The following HSP90AA1 variants were observed in gnomAD, a reference collection of about 807,000 sequenced individuals.
HSP90AA1 encodes the protein heat shock protein 90 alpha family class A member 1.
A neutral mutation model predicts 73.3 loss-of-function variants in HSP90AA1; 18 were observed. That is an observed-to-expected ratio of 0.25 (90% CI 0.17 to 0.36). The LOEUF (loss-of-function observed/expected upper bound fraction) is 0.36, where lower values mean the gene tolerates loss of function less well. Among genes scored for constraint, HSP90AA1 ranks in the 10% least tolerant of loss-of-function variants. The pLI is 1.00. For missense variants in HSP90AA1, 704 were observed against 874.2 expected (o/e 0.81, Z 2.45); for synonymous variants, 477 against 296.9 (o/e 1.61, Z -6.24).
chr14:102,097,103 C>T (rs1595666750), intron 2 of HSP90AA1, among the ~76,000 whole-genome samples: 1 of 152,154 alleles, frequency 6.6e-6, no homozygotes, highest in East Asian at 1.9e-4. Context: ...TTCTCTGCCT[C>T]AGCCTCCCGA....
intron 1 of HSP90AA1, among the ~76,000 whole-genome samples, chr14:102,115,529 A>T (rs961471725): frequency 6.6e-6 from 1 of 152,194 alleles, no homozygotes; most frequent in Non-Finnish European, 1.5e-5. Flanking sequence ...TTACACCAAC[A>T]GCAATAATAT....
intron 1 of HSP90AA1, among the ~76,000 whole-genome samples, chr14:102,133,254 T>C (rs956309465): frequency 2.6e-5 from 4 of 152,056 alleles, no homozygotes; most frequent in African/African-American, 9.7e-5. Context: ...CACTCCAGCC[T>C]GGGCAACAAG....
At chr14:102,134,581 G>C (rs758394720) in intron 1 of HSP90AA1, among the ~76,000 whole-genome samples, 6 of 151,932 alleles carry the variant, frequency 3.9e-5, no homozygotes, top group Non-Finnish European at 8.8e-5. Flanking sequence ...TGGGTTCGTG[G>C]TCTCACTGGC....
At position 102,102,060 on chromosome 14, in the gene HSP90AA1, C is replaced by A; in HGVS notation, c.181G>T (p.Glu61Ter). 6.2e-7 allele frequency: 1 copy of A among 1,614,052 alleles called. No homozygotes were observed. The highest frequency in any genetic ancestry group is 8.5e-7 in the Non-Finnish European group (1 of 1,179,936). ...TGCCAGAGAAACACTTGGGCCTTTT[C>A]TTGGTACCAGTTAACAGGTGCCCTG... The change falls in exon 2 of 12, where the codon GAA becomes TAA. Residue 61 changes from glutamate to a stop codon, truncating the protein, a stop_gained. Transcript: ENST00000334701. LOFTEE classifies it high-confidence loss of function.
At chr14:102,111,879 A>C (rs1358892189) in intron 1 of HSP90AA1, among the ~76,000 whole-genome samples, 2 of 152,176 alleles carry the variant, frequency 1.3e-5, no homozygotes, top group Middle Eastern at 3.2e-3. Flanking sequence ...TATGGTTTTC[A>C]GTGGTGGTGT....
In HSP90AA1 at chr14:102,083,677, T is replaced by A. The variant is rs2152610702; in HGVS notation, c.1355A>T (p.Asp452Val). Reference protein sequence around the residue: ...SKNIKLGIHEDSQNRKKLSEL... With the variant: ...SKNIKLGIHEVSQNRKKLSEL... ...TGAAAGCTTCTTCCGATTTTGAGAG[T>A]CTTCGTGTATTCCAAGCTGAAACAA... Residue 452 changes from aspartate (D) to valine (V), a missense_variant, in exon 8 of 11, where the codon GAC (aspartate) becomes GTC (valine). Asp to Val is a radical substitution (Grantham distance 152). Coordinates refer to ENST00000216281, the MANE Select transcript of HSP90AA1 (RefSeq NM_005348.4). 1 of 1,612,794 alleles carries A rather than the reference T, an allele frequency of 6.2e-7. No individual in the cohort carries two copies. The highest frequency in any genetic ancestry group is 2.2e-5 in the East Asian group (1 of 44,830).
At chr14:102,088,087 A>G (rs1159503221), upstream of HSP90AA1, among the ~76,000 whole-genome samples, 1 of 151,678 alleles carries the variant, frequency 6.6e-6, no homozygotes, top group Non-Finnish European at 1.5e-5. Flanking sequence ...AGCTGGGACG[A>G]GCGTGGGCAG....
chr14:102,116,101 G>A (rs1036201026), intron 1 of HSP90AA1, among the ~76,000 whole-genome samples: 1 of 151,920 alleles, frequency 6.6e-6, no homozygotes, highest in Non-Finnish European at 1.5e-5. Flanking sequence ...ACAGGTGCCC[G>A]CCACCACGCC....
chr14:102,133,553 G>A (rs1045838376), intron 1 of HSP90AA1, among the ~76,000 whole-genome samples: 1 of 147,046 alleles, frequency 6.8e-6, no homozygotes, highest in Non-Finnish European at 1.5e-5. Context: ...GCGTGATCTC[G>A]GCTCACTGCA....
chr14:102,095,355 G>A (rs1385537392), intron 2 of HSP90AA1, among the ~76,000 whole-genome samples: 3 of 152,026 alleles, frequency 2.0e-5, no homozygotes, highest in East Asian at 3.9e-4. Flanking sequence ...GAGAGGGGTG[G>A]CGGGACTCTT....
chr14:102,110,586 A>ATT (rs1220233995), intron 1 of HSP90AA1, among the ~76,000 whole-genome samples: 4 of 140,830 alleles, frequency 2.8e-5, no homozygotes, highest in South Asian at 2.2e-4. Flanking sequence ...TGCCCGGATA[A>ATT]TTTTTTTTTT....
chr14:102,081,324 T>C lies in HSP90AA1; in HGVS notation c.*388A>G, dbSNP rs540861447. On this transcript the variant is annotated 3_prime_UTR_variant, in exon 11 of 11. Coordinates refer to ENST00000216281, the MANE Select transcript of HSP90AA1 (RefSeq NM_005348.4). Reference sequence around the variant, plus strand: ...AATGAAAAGTTCAAAAAGTAGATCCTACAAGATGTAACGAATACTTTTCTA... The same window carrying C: ...AATGAAAAGTTCAAAAAGTAGATCCCACAAGATGTAACGAATACTTTTCTA... 107 of 324,066 alleles carry C rather than the reference T, an allele frequency of 3.3e-4. No homozygotes were observed. In the South Asian group the frequency reaches 4.2e-3, roughly 13 times the overall value. The allele number at this position is 324,066 out of a possible 1,614,324, so 20.1% of individuals were successfully genotyped here.
intron 1 of HSP90AA1, among the ~76,000 whole-genome samples, chr14:102,132,529 C>A (rs2049920883): frequency 6.6e-6 from 1 of 151,904 alleles, no homozygotes; most frequent in Non-Finnish European, 1.5e-5. Flanking sequence ...GACCAGGCAA[C>A]ATAGTGAGAC....
intron 1 of HSP90AA1, among the ~76,000 whole-genome samples, chr14:102,107,393 C>T (rs944450506): frequency 5.3e-5 from 8 of 151,938 alleles, no homozygotes; most frequent in Admixed American, 2.0e-4. Context: ...GGCATGATCT[C>T]GGCTCACTGC....
chr14:102,130,401 C>G (rs1164890089), intron 1 of HSP90AA1, among the ~76,000 whole-genome samples: 1 of 152,190 alleles, frequency 6.6e-6, no homozygotes, highest in Non-Finnish European at 1.5e-5. Context: ...TCCTTCCTAT[C>G]TGCAGTACAT....
At chr14:102,094,076 T>C (rs1483653570) in intron 2 of HSP90AA1, among the ~76,000 whole-genome samples, 1 of 152,148 alleles carries the variant, frequency 6.6e-6, no homozygotes, top group African/African-American at 2.4e-5. Flanking sequence ...AGTTTTTCCA[T>C]TGAGTAACTA....
chr14:102,105,662 G>C (rs1232089106), intron 1 of HSP90AA1, among the ~76,000 whole-genome samples: 1 of 152,208 alleles, frequency 6.6e-6, no homozygotes, highest in African/African-American at 2.4e-5. Context: ...CCAGTGGGGA[G>C]TGTGTTCTCT....
Position 102,082,907 on chromosome 14 carries a change from C to CCG in HSP90AA1, c.1755+125_1755+126dup, listed in dbSNP as rs1033250098. ...GTGCTGGGATTGCAGGCGTGAGCCA[C>CCG]CGCGCCCAGCCACACACAACATAGT... On this transcript the variant is annotated intron_variant, in intron 9 of 10. Coordinates refer to ENST00000216281, the MANE Select transcript of HSP90AA1 (RefSeq NM_005348.4). 98 of 997,066 alleles carry CCG rather than the reference C, an allele frequency of 9.8e-5. No homozygotes were observed. The African/African-American group carries it at 1.2e-3, about 13-fold the overall frequency. The allele number at this position is 997,066 out of a possible 1,614,324, so 61.8% of individuals were successfully genotyped here.
At chr14:102,130,117 C>T (rs180805838) in intron 1 of HSP90AA1, among the ~76,000 whole-genome samples, 29 of 152,000 alleles carry the variant, frequency 1.9e-4, no homozygotes, top group Admixed American at 1.7e-3. Context: ...ATTACAGGCC[C>T]GCACCACCAC....
Sources: allele counts gnomAD v4.1 joint callset (sites outside exome capture counted in the v4.1 genomes callset), GRCh38; gene constraint gnomAD v4.1.1; transcripts MANE v1.5; gene names NCBI Gene and HGNC (gene_info 2026-07-23, HGNC 2026-07-21).